The following CERCAM variants were observed in gnomAD, a reference collection of about 807,000 sequenced individuals.
CERCAM encodes the protein cerebral endothelial cell adhesion molecule.
Under a neutral mutation model 66.0 loss-of-function variants are expected in CERCAM, and 59 were observed. The observed-to-expected ratio is 0.89, with a 90% CI of 0.73 to 1.11. The LOEUF (loss-of-function observed/expected upper bound fraction) is 1.11. Ranked by LOEUF, CERCAM falls within the 50% of genes most tolerant of loss-of-function variation. The probability of loss-of-function intolerance (pLI) is 0.00; values close to 1 mark genes in which losing one functional copy is unlikely to be tolerated. For missense variants in CERCAM, 840 were observed against 828.3 expected (o/e 1.01, Z -0.17); for synonymous variants, 318 against 343.6 (o/e 0.93, Z 0.83).
rs1833733743 is a variant in CERCAM at position 128,422,527 on chromosome 9, C to T, written c.198-341C>T. 6 of 222,090 alleles carry T rather than the reference C, an allele frequency of 2.7e-5. No individual in the cohort carries two copies. In the South Asian group the frequency reaches 5.1e-4, roughly 19 times the overall value. The allele number at this position is 222,090 out of a possible 1,614,324, so 13.8% of individuals were successfully genotyped here. ...AGGTTGCAGTGAGTCGAGATCATAC[C>T]ACTGCACTACAGCCTGGGCGACAGA... On this transcript the variant is annotated intron_variant, in intron 1 of 12. Transcript: ENST00000372838.
At chr9:128,435,211 G>C (rs1588630792) in intron 11 of CERCAM, among the ~76,000 whole-genome samples, 1 of 152,188 alleles carries the variant, frequency 6.6e-6, no homozygotes, top group African/African-American at 2.4e-5. Context: ...GGCCAGGCTG[G>C]TGTCGAACTC....
intron 6 of CERCAM, 32 bp from the exon 7 acceptor site, chr9:128,428,725 G>C: frequency 1.2e-6 from 2 of 1,611,726 alleles, no homozygotes; most frequent in Non-Finnish European, 1.7e-6. Context: ...AGTCAGTAGG[G>C]ACTCGTGCTT....
chr9:128,426,208 C>T (rs537939908), intron 5 of CERCAM, among the ~76,000 whole-genome samples: 1 of 152,168 alleles, frequency 6.6e-6, no homozygotes, highest in East Asian at 1.9e-4. Context: ...ATCGCTTGAG[C>T]CCAGGAGGTA....
rs1011949292 is a variant in CERCAM, at chr9:128,433,228, G to A, written c.1204-874G>A. On this transcript the variant is annotated intron_variant, in intron 9 of 12. Coordinates refer to ENST00000372838, the MANE Select transcript of CERCAM (RefSeq NM_016174.5). Reference sequence around the variant, plus strand: ...CAGGAGGCGGAGCATGCAGTGAGCCGAGATTGTGCCACTGCACTCCAGCCC... The same window carrying A: ...CAGGAGGCGGAGCATGCAGTGAGCCAAGATTGTGCCACTGCACTCCAGCCC... Among the ~76,000 whole-genome samples the A allele has an allele frequency of 5.9e-4, 87 of 147,218 alleles. 1 individual carries two copies. Among genetic ancestry groups the A allele is most frequent in the African/African-American group, 2.2e-3 (85 of 39,424 alleles).
At chr9:128,423,059 C>A in intron 2 of CERCAM, 81 bp downstream of exon 2, 1 of 1,607,868 alleles carries the variant, frequency 6.2e-7, no homozygotes, top group East Asian at 2.2e-5. Flanking sequence ...CCCAGAGCCA[C>A]AGCCTCCAAG....
At chr9:128,426,591 G>A (rs1482521275) in intron 5 of CERCAM, among the ~76,000 whole-genome samples, 1 of 150,728 alleles carries the variant, frequency 6.6e-6, no homozygotes, top group Non-Finnish European at 1.5e-5. Flanking sequence ...CTGCACTCCA[G>A]CCTGGGCGAC....
Position 128,431,164 on chromosome 9 carries a change from C to G in CERCAM, c.1071-7C>G. On this transcript the variant is annotated splice_polypyrimidine_tract_variant and splice_region_variant and intron_variant, in intron 8 of 12. Transcript: ENST00000372838. ...ACCCCTCACCCCGCCACACCTGTGT[C>G]CCTCAGGATGCTCAACAGCAGTGCC... The G allele has an allele frequency of 6.2e-7, 1 of 1,613,384 alleles. No homozygotes were observed. Among genetic ancestry groups the G allele is most frequent in the Non-Finnish European group, 8.5e-7 (1 of 1,179,948 alleles).
At position 128,435,747 on chromosome 9, in the gene CERCAM, G is replaced by A. The variant is rs369561588; in HGVS notation, c.1630G>A (p.Glu544Lys). 45 of 1,613,286 alleles carry A rather than the reference G, an allele frequency of 2.8e-5. No individual in the cohort carries two copies. Among genetic ancestry groups the A allele is most frequent in the African/African-American group, 2.4e-4 (18 of 74,938 alleles). ...AAPTHYAGDAEWLSDTETSSP... is the reference protein window; with the variant it reads ...AAPTHYAGDAKWLSDTETSSP... ...CCCTACCCACTATGCCGGGGACGCCGAGTGGCTCAGTGACACGGAGACATC... is the reference window on the plus strand; with the variant it reads ...CCCTACCCACTATGCCGGGGACGCCAAGTGGCTCAGTGACACGGAGACATC... The change falls in exon 12 of 13, where the codon GAG becomes AAG. Residue 544 changes from glutamate (E) to lysine (K), a missense_variant. Physicochemically the swap from Glu to Lys is moderately conservative, Grantham distance 56. Coordinates refer to ENST00000372838, the MANE Select transcript of CERCAM (RefSeq NM_016174.5).
At position 128,435,819 on chromosome 9, in the gene CERCAM, TC is replaced by T; in HGVS notation, c.1705del (p.Gln569LysfsTer11). The T allele has an allele frequency of 6.2e-7, 1 of 1,611,270 alleles. No individual in the cohort carries two copies. On this transcript the variant is annotated frameshift_variant, in exon 12 of 13. Coordinates refer to ENST00000372838, the MANE Select transcript of CERCAM (RefSeq NM_016174.5). LOFTEE classifies it high-confidence loss of function. The part of the protein sequence containing the change: ...DSGRLISWSG[S>X]QKTLRSPRLD... The stretch of plus-strand genomic sequence containing the variant: ...CGGCCGCCTCATCAGCTGGAGCGGC[TC>T]CCAAAAGACCCTGCGCAGCCCCCGC...
Position 128,428,983 on chromosome 9 carries a change from C to T in CERCAM, c.1017C>T (p.Ala339=). The T allele has an allele frequency of 1.2e-6, 2 of 1,611,448 alleles. No individual in the cohort carries two copies. The highest frequency in any genetic ancestry group is 1.7e-6 in the Non-Finnish European group (2 of 1,179,304). The change falls in exon 8 of 13, where the codon GCC becomes GCT. Residue 339 remains alanine (A), a synonymous_variant. Coordinates refer to ENST00000372838, the MANE Select transcript of CERCAM (RefSeq NM_016174.5). ...CTGACCGTCGGGAACGCATGCTCGC[C>T]TCGCTCTGGGAGATGGAGATCTCTG... The part of the protein sequence containing the change: ...RRPDRRERML[A]SLWEMEISGR...
intron 5 of CERCAM, among the ~76,000 whole-genome samples, chr9:128,424,910 C>T (rs1050368283): frequency 8.7e-5 from 13 of 150,082 alleles, no homozygotes; most frequent in South Asian, 4.2e-4. Context: ...TTAGTAGAGA[C>T]GGGGTTTTGC....
chr9:128,420,849 G>C, upstream of CERCAM: 1 of 1,156,014 alleles, frequency 8.7e-7, no homozygotes, highest in Non-Finnish European at 1.1e-6. The surrounding 1 kb of genome is among the most constrained non-coding windows in gnomAD (Gnocchi z 5.0). Context: ...AGAGCTCCGG[G>C]GGCCGCTGCA....
At position 128,423,995 on chromosome 9, in the gene CERCAM, G is replaced by A. The variant is rs747833931; in HGVS notation, c.427-143G>A. On this transcript the variant is annotated intron_variant, in intron 3 of 12. Coordinates refer to ENST00000372838, the MANE Select transcript of CERCAM (RefSeq NM_016174.5). ...CTAGAGCCTTGGTCCAGAAACAGAT[G>A]TACTGAGTTTGTGAGACCTCTGTAA... is the stretch of plus-strand genomic sequence containing the variant. 618 of 868,642 alleles carry A rather than the reference G, an allele frequency of 7.1e-4. 1 individual carries two copies. Among genetic ancestry groups the A allele is most frequent in the Middle Eastern group, 7.2e-4 (2 of 2,778 alleles). 53.8% of individuals were successfully genotyped at this position (868,642 alleles called of 1,614,324 possible).
intron 12 of CERCAM, among the ~76,000 whole-genome samples, chr9:128,436,555 T>C (rs781540045): frequency 2.0e-5 from 3 of 151,964 alleles, no homozygotes; most frequent in Non-Finnish European, 4.4e-5. Flanking sequence ...GCCTTTTGTA[T>C]TTTTAGTAGA....
At chr9:128,422,833 T>C (rs745631397) in intron 1 of CERCAM, 35 bp from the exon 2 acceptor site, 38 of 1,610,726 alleles carry the variant, frequency 2.4e-5, no homozygotes, top group Non-Finnish European at 3.1e-5. Flanking sequence ...ATCCTGTGGC[T>C]GTGCCCCCTC....
At chr9:128,423,404 G>C (rs1588615036) in intron 3 of CERCAM, 141 bp downstream of exon 3, 1 of 683,348 alleles carries the variant, frequency 1.5e-6, no homozygotes, top group East Asian at 2.6e-5. Flanking sequence ...ATCACCTGAG[G>C]TCAGAAGTTC....
In CERCAM at chr9:128,435,919, G is replaced by A. The variant is rs747774916; in HGVS notation, c.*14G>A. On this transcript the variant is annotated intron_variant, in intron 12 of 12. Coordinates refer to ENST00000372838, the MANE Select transcript of CERCAM (RefSeq NM_016174.5). ...GATGAGCTCTAGGTGAGGCCAGGGC[G>A]GGAAGAGGCCCCAGCCCCGTAGACC... 16 of 1,591,074 alleles carry A rather than the reference G, an allele frequency of 1.0e-5. No individual in the cohort carries two copies. The highest frequency in any genetic ancestry group is 5.6e-5 in the South Asian group (5 of 89,204).
intron 9 of CERCAM, 145 bp from the exon 10 acceptor site, chr9:128,433,957 G>A: frequency 2.0e-6 from 2 of 1,014,510 alleles, no homozygotes; most frequent in Non-Finnish European, 2.8e-6. Context: ...CCGGTCCCAG[G>A]CAGTGGGGCC....
intron 1 of CERCAM, chr9:128,421,486 A>G (rs1833707809): frequency 1.0e-6 from 1 of 992,744 alleles, no homozygotes; most frequent in African/African-American, 1.7e-5. Flanking sequence ...GCAGGGATCG[A>G]CCACGCTGGA....
Sources: allele counts gnomAD v4.1 joint callset (sites outside exome capture counted in the v4.1 genomes callset), GRCh38; gene constraint gnomAD v4.1.1; non-coding constraint Gnocchi (gnomAD v3.1); transcripts MANE v1.5; gene names NCBI Gene and HGNC (gene_info 2026-07-23, HGNC 2026-07-21).